PGM2L1: variants seen among roughly 807,000 people sequenced by gnomAD.
PGM2L1 encodes the protein phosphoglucomutase 2 like 1, also known as glucose 1,6-bisphosphate synthase.
Under a neutral mutation model 73.4 loss-of-function variants are expected in PGM2L1, and 35 were observed. That is an observed-to-expected ratio of 0.48 (90% CI 0.36 to 0.63). The LOEUF (loss-of-function observed/expected upper bound fraction) is 0.63, where lower values mean the gene tolerates loss of function less well. Ranked by LOEUF, PGM2L1 falls within the 30% of genes least tolerant of loss-of-function variation. The probability of loss-of-function intolerance (pLI) is 0.00; values close to 1 mark genes in which losing one functional copy is unlikely to be tolerated. For missense variants in PGM2L1, 570 were observed against 742.0 expected (o/e 0.77, Z 2.69); for synonymous variants, 225 against 253.8 (o/e 0.89, Z 1.08).
chr11:74,370,874 T>A, intron 4 of PGM2L1, 28 bp downstream of exon 4: 3 of 1,543,926 alleles, frequency 1.9e-6, no homozygotes, highest in Non-Finnish European at 2.7e-6. Flanking sequence ...AGCAGCAAGC[T>A]ATATGATCAC....
chr11:74,371,554 CT>C (rs1343973047), intron 3 of PGM2L1, among the ~76,000 whole-genome samples, 156 bp downstream of exon 3: 1 of 152,038 alleles, frequency 6.6e-6, no homozygotes, highest in African/African-American at 2.4e-5. Context: ...CTTTGAGATA[CT>C]TTTTCTTCTA....
At chr11:74,336,874 G>A in intron 13 of PGM2L1, 120 bp from the exon 14 acceptor site, 69 of 590,708 alleles carry the variant, frequency 1.2e-4, no homozygotes, top group Middle Eastern at 9.7e-4. Flanking sequence ...AAACAAAAGA[G>A]AAATTCACTT....
rs572590236 is a variant in PGM2L1, at chr11:74,386,408, A to T, written c.111+11643T>A. The stretch of plus-strand genomic sequence containing the variant: ...TTTGAGAAAGCAGGCACTTTTATAT[A>T]TTATTGGTAGAATAATACATTGGTG... On this transcript the variant is annotated intron_variant, in intron 1 of 13. Transcript: ENST00000298198. Among the ~76,000 whole-genome samples, 7 of 152,038 alleles carry T rather than the reference A, an allele frequency of 4.6e-5. No homozygotes were observed. In the East Asian group the frequency reaches 1.2e-3, roughly 25 times the overall value.
At position 74,376,847 on chromosome 11, in the gene PGM2L1, T is replaced by C. The variant is rs576703707; in HGVS notation, c.112-2265A>G. Among the ~76,000 whole-genome samples the C allele has an allele frequency of 7.9e-4, 120 of 152,134 alleles. 1 individual carries two copies. Among genetic ancestry groups the C allele is most frequent in the African/African-American group, 2.7e-3 (112 of 41,554 alleles). Reference sequence around the variant, plus strand: ...GATATACTAGACATAATAAATACATTTGTATGGCAAAAAAAGCTAAATAAT... The same window carrying C: ...GATATACTAGACATAATAAATACATCTGTATGGCAAAAAAAGCTAAATAAT... On this transcript the variant is annotated intron_variant, in intron 1 of 13. Transcript: ENST00000298198.
chr11:74,372,721 C>T (rs1229188741), intron 2 of PGM2L1, among the ~76,000 whole-genome samples: 2 of 152,108 alleles, frequency 1.3e-5, no homozygotes, highest in African/African-American at 4.8e-5. Context: ...TCAACTAAAA[C>T]TAAGTTATAC....
In PGM2L1 at chr11:74,336,154, AT is replaced by A. The variant is rs1862091802; in HGVS notation, c.*497del. On this transcript the variant is annotated 3_prime_UTR_variant, in exon 14 of 14. Transcript: ENST00000298198. ...CTATTTCAAATACTCTAATTTGTAA[AT>A]TAATACCTGTGATGTCACAATGACA... is the stretch of plus-strand genomic sequence containing the variant. 1 of 152,294 alleles carries A rather than the reference AT, an allele frequency of 6.6e-6. No individual in the cohort carries two copies. The highest frequency in any genetic ancestry group is 2.1e-4 in the South Asian group (1 of 4,840). The allele number at this position is 152,294 out of a possible 1,614,324, so 9.4% of individuals were successfully genotyped here.
chr11:74,354,381 C>T, intron 5 of PGM2L1: 1 of 571,438 alleles, frequency 1.7e-6, no homozygotes, highest in African/African-American at 1.9e-5. Flanking sequence ...GGTCAGCTTA[C>T]TGCTTTCTGC....
chr11:74,378,379 G>T (rs1862889224), intron 1 of PGM2L1, among the ~76,000 whole-genome samples: 1 of 151,932 alleles, frequency 6.6e-6, no homozygotes, highest in Non-Finnish European at 1.5e-5. Flanking sequence ...TATTTAGAAA[G>T]TAAATGCATT....
At chr11:74,363,679 G>C (rs1373151374) in intron 5 of PGM2L1, among the ~76,000 whole-genome samples, 1 of 152,078 alleles carries the variant, frequency 6.6e-6, no homozygotes, top group Admixed American at 6.6e-5. Context: ...CTGAATCCCT[G>C]AATAGACCAA....
intron 1 of PGM2L1, among the ~76,000 whole-genome samples, chr11:74,384,457 G>A (rs1862992666): frequency 6.6e-6 from 1 of 151,790 alleles, no homozygotes; most frequent in South Asian, 2.1e-4. Context: ...ATAAATATAG[G>A]AGCCCTTGCC....
intron 12 of PGM2L1, among the ~76,000 whole-genome samples, chr11:74,339,870 A>G (rs1862157916): frequency 2.0e-5 from 3 of 152,050 alleles, no homozygotes; most frequent in South Asian, 2.1e-4. Context: ...CATCTGGCCA[A>G]CTCCTAATCA....
intron 1 of PGM2L1, among the ~76,000 whole-genome samples, chr11:74,380,452 T>C (rs1396567099): frequency 6.6e-6 from 1 of 152,174 alleles, no homozygotes; most frequent in East Asian, 1.9e-4. Context: ...AAATTTGGCT[T>C]AGATAAAAAA....
At chr11:74,389,258 T>TACAAA (rs1045514818) in intron 1 of PGM2L1, among the ~76,000 whole-genome samples, 8 of 152,104 alleles carry the variant, frequency 5.3e-5, no homozygotes, top group Non-Finnish European at 7.4e-5. Flanking sequence ...CCTGTTTCTC[T>TACAAA]ACAAAACAAA....
rs1862045055 is a variant in PGM2L1, at chr11:74,333,522, A to C, written c.*3130T>G. The C allele has an allele frequency of 6.6e-6, 1 of 152,094 alleles. No homozygotes were observed. Among genetic ancestry groups the C allele is most frequent in the African/African-American group, 2.4e-5 (1 of 41,420 alleles). The allele number at this position is 152,094 out of a possible 1,614,324, so 9.4% of individuals were successfully genotyped here. ...TTTATTTCTGCTCTACCTCTTCCTG[A>C]GTTCTCACATGATTCTGATACAACA... On this transcript the variant is annotated 3_prime_UTR_variant, in exon 14 of 14. Transcript: ENST00000298198.
chr11:74,338,657 T>C, intron 12 of PGM2L1, 56 bp from the exon 13 acceptor site: 1 of 1,517,150 alleles, frequency 6.6e-7, no homozygotes, highest in South Asian at 1.3e-5. Flanking sequence ...TCATTTTCTT[T>C]CATTTTCAAG....
At chr11:74,346,270 C>CAAAAAAAAAAAAAAAAAAAAAAA in intron 8 of PGM2L1, among the ~76,000 whole-genome samples, 1 of 57,880 alleles carries the variant, frequency 1.7e-5, no homozygotes, top group African/African-American at 6.8e-5. Flanking sequence ...ACTATGTCTC[C>CAAAAAAAAAAAAAAAAAAAAAAA]AAAAAAAAAA....
intron 5 of PGM2L1, among the ~76,000 whole-genome samples, chr11:74,366,434 G>C: frequency 6.8e-6 from 1 of 146,686 alleles, no homozygotes; most frequent in Non-Finnish European, 1.5e-5. Flanking sequence ...CTCCAGCCTG[G>C]GCAACAGAGT....
intron 1 of PGM2L1, among the ~76,000 whole-genome samples, chr11:74,378,946 A>C (rs1862898820): frequency 6.6e-6 from 1 of 152,190 alleles, no homozygotes; most frequent in Non-Finnish European, 1.5e-5. Flanking sequence ...TCTGTTCATA[A>C]CTAGGGACTT....
In PGM2L1 at chr11:74,398,365, G is replaced by A; in HGVS notation, c.-204C>T. The A allele has an allele frequency of 1.4e-6, 1 of 737,142 alleles. No individual in the cohort carries two copies. Among genetic ancestry groups the A allele is most frequent in the Non-Finnish European group, 2.0e-6 (1 of 508,172 alleles). The allele number at this position is 737,142 out of a possible 1,614,324, so 45.7% of individuals were successfully genotyped here. ...GGTTTATGGCCGCCTGCTCCCCAGCGGACCAGGTCCGGGTCTCTGGGCGAA... is the reference window on the plus strand; with the variant it reads ...GGTTTATGGCCGCCTGCTCCCCAGCAGACCAGGTCCGGGTCTCTGGGCGAA... On this transcript the variant is annotated 5_prime_UTR_variant, in exon 1 of 14. Transcript: ENST00000298198.
Sources: allele counts gnomAD v4.1 joint callset (sites outside exome capture counted in the v4.1 genomes callset), GRCh38; gene constraint gnomAD v4.1.1; transcripts MANE v1.5; gene names NCBI Gene and HGNC (gene_info 2026-07-23, HGNC 2026-07-21).